Variants in CROCC2 observed in about 807,000 individuals in gnomAD.
CROCC2 encodes ciliary rootlet coiled-coil protein 2.
Under a neutral mutation model 177.6 loss-of-function variants are expected in CROCC2, and 163 were observed. That is an observed-to-expected ratio of 0.92 (90% CI 0.81 to 1.05). CROCC2 has a LOEUF of 1.05. Among genes scored for constraint, CROCC2 ranks in the 50% least tolerant of loss-of-function variants. The probability of loss-of-function intolerance (pLI) is 0.00; values close to 1 mark genes in which losing one functional copy is unlikely to be tolerated. For missense variants in CROCC2, 1,929 were observed against 1,797.8 expected (o/e 1.07, Z -1.32); for synonymous variants, 904 against 787.3 (o/e 1.15, Z -2.48).
chr2:240,918,932 G>T lies in CROCC2; in HGVS notation c.229+56G>T. 1.5e-6 allele frequency: 1 copy of T among 665,442 alleles called. No individual in the cohort carries two copies. Among genetic ancestry groups the T allele is most frequent in the Admixed American group, 2.3e-5 (1 of 43,640 alleles). The allele number at this position is 665,442 out of a possible 1,614,324, so 41.2% of individuals were successfully genotyped here. A position where few individuals can be genotyped will look rare whatever the true frequency, so the allele number is the denominator to read the frequency against. ...GGGCTGGCCAAGGTGACGGCGTGGGGGACAGTCCTGGGCCCGGTGCTGGCC... is the reference window on the plus strand; with the variant it reads ...GGGCTGGCCAAGGTGACGGCGTGGGTGACAGTCCTGGGCCCGGTGCTGGCC... On this transcript the variant is annotated intron_variant, in intron 2 of 31. Coordinates refer to ENST00000690015, the MANE Select transcript of CROCC2 (RefSeq NM_001351305.2). This position sits in a 1 kb window ranked among gnomAD's most constrained non-coding sequence, Gnocchi z 6.3.
chr2:240,915,654 G>A (rs1475121784), intron 1 of CROCC2, among the ~76,000 whole-genome samples: 1 of 152,188 alleles, frequency 6.6e-6, no homozygotes, highest in African/African-American at 2.4e-5. Flanking sequence ...CCAAGGTTTG[G>A]CTGTCCCTCT....
At chr2:240,945,972 G>A in intron 14 of CROCC2, 88 bp from the exon 15 acceptor site, 1 of 1,030,982 alleles carries the variant, frequency 9.7e-7, no homozygotes, top group South Asian at 2.0e-5. Flanking sequence ...CACTTCTTCT[G>A]AAGTCCTTTC....
chr2:240,963,631 G>T lies in CROCC2; in HGVS notation c.3163G>T (p.Glu1055Ter), dbSNP rs778178115. ...AALRQELQGV[E>*]ESREGLHREA... ...ACTGCGCCAGGAGCTGCAGGGCGTC[G>T]AGGAGAGCCGGGAGGGGCTGCACAG... The change falls in exon 21 of 32, where the codon GAG becomes TAG. Residue 1055 changes from glutamate (E) to a stop codon, truncating the protein, a stop_gained. Coordinates refer to ENST00000690015, the MANE Select transcript of CROCC2 (RefSeq NM_001351305.2). LOFTEE classifies it high-confidence loss of function. 6.5e-7 allele frequency: 1 copy of T among 1,549,504 alleles called. No individual in the cohort carries two copies. The highest frequency in any genetic ancestry group is 8.7e-7 in the Non-Finnish European group (1 of 1,146,694).
At chr2:240,943,218 G>A (rs1403322655) in intron 14 of CROCC2, among the ~76,000 whole-genome samples, 1 of 152,010 alleles carries the variant, frequency 6.6e-6, no homozygotes, top group Non-Finnish European at 1.5e-5. Flanking sequence ...ATGTTGCCCA[G>A]GCTGGTCTCA....
Position 240,967,367 on chromosome 2 carries a change from C to A in CROCC2, c.4169C>A (p.Ala1390Glu). The A allele has an allele frequency of 1.3e-6, 1 of 762,180 alleles. No individual in the cohort carries two copies. Among genetic ancestry groups the A allele is most frequent in the Non-Finnish European group, 2.3e-6 (1 of 428,788 alleles). The allele number at this position is 762,180 out of a possible 1,614,324, so 47.2% of individuals were successfully genotyped here. ...CAGGATGACTCCCGCATCCAGATGG[C>A]GACCCTGAGCAGCCGGCTGAGCGAG... The part of the protein sequence containing the change: ...RERDDSRIQM[A>E]TLSSRLSEAE... The change falls in exon 26 of 32, where the codon GCG (alanine) becomes GAG (glutamate). Residue 1390 changes from alanine (A) to glutamate (E), a missense_variant. By Grantham distance (107) the Ala-to-Glu change is moderately radical (BLOSUM62 -1). This residue lies in a region of CROCC2 where 388 missense variants were observed against 352.7 expected (regional missense o/e 1.10). Transcript: ENST00000690015.
chr2:240,939,384 T>G (rs1161619889), intron 14 of CROCC2, among the ~76,000 whole-genome samples: 1 of 152,150 alleles, frequency 6.6e-6, no homozygotes, highest in Non-Finnish European at 1.5e-5. Flanking sequence ...TTTATATATT[T>G]TTTATTCAAC....
At chr2:240,975,896 A>G (rs1180352241) in intron 27 of CROCC2, among the ~76,000 whole-genome samples, 2 of 151,720 alleles carry the variant, frequency 1.3e-5, no homozygotes, top group East Asian at 3.9e-4. Context: ...CGCCCGGCTA[A>G]TTTTTTGTAT....
In CROCC2 at chr2:240,982,936, T is replaced by G. The variant is rs2059811302; in HGVS notation, c.4458T>G (p.Gly1486=). The G allele has an allele frequency of 6.5e-7, 1 of 1,550,150 alleles. No individual in the cohort carries two copies. The highest frequency in any genetic ancestry group is 1.4e-5 in the African/African-American group (1 of 72,980). ...ALEESRRHSQ[G]LAKQGKLLEE... ...AAGAGAGCAGGAGGCACAGCCAAGG[T>G]CTGGCCAAGCAGGGGAAGCTGCTGG... The change falls in exon 28 of 32, where the codon GGT becomes GGG. Residue 1486 remains glycine (G), a synonymous_variant. Transcript: ENST00000690015. This position sits in a 1 kb window ranked among gnomAD's most constrained non-coding sequence, Gnocchi z 4.7.
intron 30 of CROCC2, among the ~76,000 whole-genome samples, chr2:240,990,614 A>G (rs1425580577): frequency 2.6e-5 from 4 of 151,388 alleles, no homozygotes; most frequent in Non-Finnish European, 4.4e-5. Context: ...ATGGATTCTC[A>G]CTCTGTCACC....
chr2:240,910,732 C>A (rs2059282036), intron 1 of CROCC2, among the ~76,000 whole-genome samples: 1 of 152,232 alleles, frequency 6.6e-6, no homozygotes, highest in Admixed American at 6.5e-5. Flanking sequence ...TTCCTTTAAC[C>A]TGCATATGCA....
rs1325742338 is a variant in CROCC2, at chr2:240,988,850, A to C, written c.4663A>C (p.Arg1555=). 6.7e-7 allele frequency: 1 copy of C among 1,491,576 alleles called. No homozygotes were observed. The highest frequency in any genetic ancestry group is 1.3e-5 in the South Asian group (1 of 76,128). The allele number at this position is 1,491,576 out of a possible 1,614,324, so 92.4% of individuals were successfully genotyped here. A position where few individuals can be genotyped will look rare whatever the true frequency, so the allele number is the denominator to read the frequency against. The change falls in exon 29 of 32, where the codon AGG becomes CGG. Residue 1555 remains arginine, a synonymous_variant. Coordinates refer to ENST00000690015, the MANE Select transcript of CROCC2 (RefSeq NM_001351305.2). Reference sequence around the variant, plus strand: ...GCACCAGGAGGTGGACGGAGCCCTGAGGCAAAATCAGCAGCTGCAGGTCAA... The same window carrying C: ...GCACCAGGAGGTGGACGGAGCCCTGCGGCAAAATCAGCAGCTGCAGGTCAA... ...SLHQEVDGAL[R]QNQQLQAQMT... is the part of the protein sequence containing the mutation.
chr2:240,947,296 C>A lies in CROCC2; in HGVS notation c.2363+1043C>A, dbSNP rs534120768. Among the ~76,000 whole-genome samples, 3 of 152,304 alleles carry A rather than the reference C, an allele frequency of 2.0e-5. No individual in the cohort carries two copies. In the East Asian group the frequency reaches 5.8e-4, roughly 29 times the overall value. On this transcript the variant is annotated intron_variant, in intron 15 of 31. Transcript: ENST00000690015. The stretch of plus-strand genomic sequence containing the variant: ...CATGCTCCCTCCTGGGCCCTGGGGG[C>A]TCCAAGGACCGGGGTGGAGGTCCCT...
At chr2:240,912,229 TC>T (rs2059293219) in intron 1 of CROCC2, among the ~76,000 whole-genome samples, 1 of 152,154 alleles carries the variant, frequency 6.6e-6, no homozygotes, top group Admixed American at 6.5e-5. Context: ...ATTCTCCACC[TC>T]CCTGGACACC....
intron 14 of CROCC2, among the ~76,000 whole-genome samples, chr2:240,940,739 T>C (rs1182304262): frequency 6.6e-6 from 1 of 152,070 alleles, no homozygotes; most frequent in African/African-American, 2.4e-5. Context: ...TAGCCAACAT[T>C]ACAGTGAATG....
In CROCC2 at chr2:240,971,568, C is replaced by A. The variant is rs1175061684; in HGVS notation, c.4401+3306C>A. On this transcript the variant is annotated intron_variant, in intron 27 of 31. Coordinates refer to ENST00000690015, the MANE Select transcript of CROCC2 (RefSeq NM_001351305.2). ...CTCTTTCCAGAGTGGCAGCCAGAGG[C>A]CTCCTTGTTTTTGAAATTCAAAAAT... 5.9e-5 allele frequency among the ~76,000 whole-genome samples: 9 copies of A among 152,256 alleles called. No homozygotes were observed. The East Asian group carries it at 1.7e-3, about 29-fold the overall frequency.
chr2:240,943,776 G>A (rs1010330319), intron 14 of CROCC2, among the ~76,000 whole-genome samples: 5 of 152,066 alleles, frequency 3.3e-5, no homozygotes, highest in South Asian at 2.1e-4. Context: ...CACCAAGCCC[G>A]GCCTAAAGCT....
intron 3 of CROCC2, among the ~76,000 whole-genome samples, chr2:240,921,030 C>G (rs1219185856): frequency 6.6e-6 from 1 of 152,210 alleles, no homozygotes; most frequent in African/African-American, 2.4e-5. Context: ...GGAGTAGAGG[C>G]TCAGAGCCAG....
At position 240,934,322 on chromosome 2, in the gene CROCC2, G is replaced by A. The variant is rs916598394; in HGVS notation, c.1647-9G>A. On this transcript the variant is annotated splice_polypyrimidine_tract_variant and intron_variant, in intron 11 of 31. Transcript: ENST00000690015. ...GAGCGACCTCCCGCCCTCTGGTCTG[G>A]GGCCTCAGTCAAGGCCGCCTGCAGC... 1 of 1,548,128 alleles carries A rather than the reference G, an allele frequency of 6.5e-7. No individual in the cohort carries two copies. Among genetic ancestry groups the A allele is most frequent in the Non-Finnish European group, 8.7e-7 (1 of 1,146,710 alleles).
At chr2:240,980,165 TAGG>T (rs2059788983) in intron 27 of CROCC2, among the ~76,000 whole-genome samples, 1 of 47,214 alleles carries the variant, frequency 2.1e-5, no homozygotes, top group Non-Finnish European at 3.6e-5. Context: ...GTCTCTGGGG[TAGG>T]AGCCTCAGGA....
Sources: gnomAD v4.1 joint callset for allele counts (sites outside exome capture counted in the v4.1 genomes callset) on GRCh38, gnomAD v4.1.1 for gene constraint, gnomAD v4.1.1 regional missense constraint, Gnocchi (gnomAD v3.1) non-coding constraint, MANE v1.5 for transcripts, NCBI Gene and HGNC (gene_info 2026-07-23, HGNC 2026-07-21) for gene names.